Variants in ACSS2 observed in about 807,000 individuals in gnomAD.
ACSS2 encodes acyl-CoA synthetase short chain family member 2, also known as acetyl-coenzyme A synthetase, cytoplasmic.
A neutral mutation model predicts 90.6 loss-of-function variants in ACSS2; 58 were observed. The observed-to-expected ratio is 0.64, with a 90% confidence interval of 0.52 to 0.80. The LOEUF (loss-of-function observed/expected upper bound fraction) is 0.80, where lower values mean the gene tolerates loss of function less well. Ranked by LOEUF, ACSS2 falls within the 30% of genes least tolerant of loss-of-function variation. The pLI is 0.00. For synonymous variants in ACSS2, 300 were observed against 330.9 expected (o/e 0.91, Z 1.01); for missense variants, 759 against 912.0 (o/e 0.83, Z 2.16).
intron 2 of ACSS2, chr20:34,912,542 C>A: frequency 6.2e-6 from 1 of 161,510 alleles, no homozygotes; most frequent in South Asian, 1.7e-4. Flanking sequence ...CTTGGCCTTC[C>A]AAAGTGCTGG....
chr20:34,876,559 A>C, upstream of ACSS2: 1 of 1,275,998 alleles, frequency 7.8e-7, no homozygotes. Flanking sequence ...CCCTCTACGG[A>C]GGCCCCGCCT....
intron 1 of ACSS2, among the ~76,000 whole-genome samples, chr20:34,882,183 T>C (rs1601281876): frequency 1.3e-5 from 2 of 151,996 alleles, no homozygotes; most frequent in East Asian, 3.9e-4. Flanking sequence ...AAAAAATTAC[T>C]GATTGCCTAT....
At chr20:34,913,284 G>T (rs2081003977) in intron 3 of ACSS2, 97 bp downstream of exon 3, 4 of 1,550,954 alleles carry the variant, frequency 2.6e-6, no homozygotes, top group Admixed American at 3.3e-5. Context: ...GAAAGAATTT[G>T]GTAACAGAGG....
At chr20:34,910,582 G>A (rs2080927377) in intron 2 of ACSS2, among the ~76,000 whole-genome samples, 1 of 152,220 alleles carries the variant, frequency 6.6e-6, no homozygotes, top group Non-Finnish European at 1.5e-5. Flanking sequence ...TTGAGCCCAG[G>A]AGTTGGAGGC....
chr20:34,876,513 C>T, upstream of ACSS2: 1 of 1,130,538 alleles, frequency 8.8e-7, no homozygotes, highest in Non-Finnish European at 1.1e-6. Flanking sequence ...CGCCCACCCG[C>T]CAGACTAAGC....
chr20:34,900,924 A>G (rs1457550476), intron 2 of ACSS2, among the ~76,000 whole-genome samples: 2 of 152,146 alleles, frequency 1.3e-5, no homozygotes, highest in Non-Finnish European at 2.9e-5. Context: ...AGGCCATGTC[A>G]TTTAGGAGGA....
At chr20:34,907,386 G>A (rs1156520984) in intron 2 of ACSS2, among the ~76,000 whole-genome samples, 3 of 152,136 alleles carry the variant, frequency 2.0e-5, no homozygotes, top group Admixed American at 2.0e-4. Context: ...CCAAAGTGTG[G>A]GATTACATGT....
At chr20:34,904,143 C>G (rs2080740968) in intron 2 of ACSS2, among the ~76,000 whole-genome samples, 1 of 151,612 alleles carries the variant, frequency 6.6e-6, no homozygotes. Context: ...GAACTTTTAG[C>G]TTTTGGGTAG....
chr20:34,898,854 G>A (rs1203769583), intron 2 of ACSS2, among the ~76,000 whole-genome samples: 4 of 152,194 alleles, frequency 2.6e-5, no homozygotes, highest in East Asian at 1.9e-4. Flanking sequence ...AGCAGGGGGC[G>A]GTGCTCGTCG....
chr20:34,914,125 A>T lies in ACSS2; in HGVS notation c.673A>T (p.Asn225Tyr), dbSNP rs57043611. ...CTTCTACAGGGGGGAAAAGCTTGTG[A>T]ACCTGAAGGAGCTGGCTGACGAGGC... ...DAFYRGEKLV[N>Y]LKELADEALQ... The change falls in exon 6 of 18, where the codon AAC becomes TAC. Residue 225 changes from asparagine (N) to tyrosine (Y), a missense_variant. By Grantham distance (143) the Asn-to-Tyr change is moderately radical (BLOSUM62 -2). Transcript: ENST00000360596. The T allele has an allele frequency of 6.2e-7, 1 of 1,614,162 alleles. No individual in the cohort carries two copies. The highest frequency in any genetic ancestry group is 8.5e-7 in the Non-Finnish European group (1 of 1,180,002).
At chr20:34,926,026 T>C in intron 15 of ACSS2, 79 bp from the exon 16 acceptor site, 1 of 1,498,520 alleles carries the variant, frequency 6.7e-7, no homozygotes, top group African/African-American at 1.4e-5. Flanking sequence ...AGACCAGGAC[T>C]GCCCCATGGG....
chr20:34,892,622 C>T (rs6060108), intron 2 of ACSS2, among the ~76,000 whole-genome samples: 99 of 152,306 alleles, frequency 6.5e-4, no homozygotes, highest in African/African-American at 2.3e-3. Flanking sequence ...AGTCCTGTGA[C>T]ATAGATTGTT....
intron 2 of ACSS2, among the ~76,000 whole-genome samples, chr20:34,910,148 T>C (rs1011533291): frequency 5.9e-5 from 9 of 152,052 alleles, no homozygotes; most frequent in Non-Finnish European, 1.2e-4. Context: ...CAGCCTCCTG[T>C]AAAATTCAGT....
chr20:34,900,640 G>A (rs1043081858), intron 2 of ACSS2, among the ~76,000 whole-genome samples: 2 of 152,196 alleles, frequency 1.3e-5, no homozygotes, highest in African/African-American at 4.8e-5. Context: ...TGGGTGATAG[G>A]ATGACAGTTG....
chr20:34,886,653 G>A (rs995692183), intron 2 of ACSS2, among the ~76,000 whole-genome samples: 2 of 151,960 alleles, frequency 1.3e-5, no homozygotes, highest in African/African-American at 4.8e-5. Context: ...AATAATAATT[G>A]CTTACCGTTT....
At chr20:34,899,426 C>CT (rs769704651) in intron 2 of ACSS2, among the ~76,000 whole-genome samples, 36,901 of 117,440 alleles carry the variant, frequency 0.31, 6,000 homozygotes, top group South Asian at 0.36. Context: ...TTCTTTCTTT[C>CT]CTTCCTTCCT....
At position 34,882,958 on chromosome 20, in the gene ACSS2, A is replaced by G; in HGVS notation, c.343A>G (p.Lys115Glu). 2 of 1,605,354 alleles carry G rather than the reference A, an allele frequency of 1.2e-6. No homozygotes were observed. The highest frequency in any genetic ancestry group is 1.7e-6 in the Non-Finnish European group (2 of 1,177,652). The change falls in exon 2 of 18, where the codon AAA (lysine) becomes GAA (glutamate). Residue 115 changes from lysine to glutamate, a missense_variant. By Grantham distance (56) the Lys-to-Glu change is moderately conservative. Transcript: ENST00000360596. ...TGTACTGGATCGAAATGTCCATGAG[A>G]AAAAGCTTGGAGATAAAGTTGCTTT... ...YNVLDRNVHE[K>E]KLGDKVAFYW...
chr20:34,921,758 T>C, intron 12 of ACSS2, 28 bp from the exon 13 acceptor site: 1 of 1,612,422 alleles, frequency 6.2e-7, no homozygotes, highest in African/African-American at 1.3e-5. Flanking sequence ...ATTCCTCTTC[T>C]TGGGTTCTGT....
intron 13 of ACSS2, chr20:34,922,093 G>C: frequency 9.5e-7 from 1 of 1,056,944 alleles, no homozygotes; most frequent in Non-Finnish European, 1.2e-6. Context: ...GAGTTGCTCA[G>C]ATTCCTGATG....
Sources: allele counts gnomAD v4.1 joint callset (sites outside exome capture counted in the v4.1 genomes callset), GRCh38; gene constraint gnomAD v4.1.1; transcripts MANE v1.5; gene names NCBI Gene and HGNC (gene_info 2026-07-23, HGNC 2026-07-21).